Variants in EFS observed in about 807,000 individuals in gnomAD.
The protein encoded by EFS is embryonal Fyn-associated substrate.
EFS carries 34 observed loss-of-function variants against 42.2 expected under a neutral mutation model. The observed-to-expected ratio is 0.81, with a 90% CI of 0.61 to 1.07. EFS has a LOEUF of 1.07. EFS is among the 50% of genes least tolerant of loss of function. The pLI is 0.00. For missense variants in EFS, 717 were observed against 729.4 expected (o/e 0.98, Z 0.20); for synonymous variants, 299 against 320.7 (o/e 0.93, Z 0.72).
chr14:23,360,953 A>G, intron 1 of EFS, 120 bp from the exon 2 acceptor site: 1 of 1,072,348 alleles, frequency 9.3e-7, no homozygotes, highest in Non-Finnish European at 1.3e-6. Flanking sequence ...TGAACTCTGG[A>G]TGCAGCTTTC....
intron 4 of EFS, 59 bp downstream of exon 4, chr14:23,359,258 C>T: frequency 6.2e-7 from 1 of 1,609,312 alleles, no homozygotes; most frequent in Non-Finnish European, 8.5e-7. Context: ...TAGGTCTCCA[C>T]ACCCCTCCCC....
rs1595031786 is a variant in EFS, at chr14:23,365,037, C to T, written c.-12G>A. The T allele has an allele frequency of 7.5e-7, 1 of 1,327,242 alleles. No individual in the cohort carries two copies. The allele number at this position is 1,327,242 out of a possible 1,614,324, so 82.2% of individuals were successfully genotyped here. ...GTGGCAATGGCCATGGCTTTGGCCTCCCGCGCAGCCTGCCTCAGGCCAGGC... is the reference window on the plus strand; with the variant it reads ...GTGGCAATGGCCATGGCTTTGGCCTTCCGCGCAGCCTGCCTCAGGCCAGGC... On this transcript the variant is annotated 5_prime_UTR_variant, in exon 1 of 6. Coordinates refer to ENST00000216733, the MANE Select transcript of EFS (RefSeq NM_005864.4). This position sits in a 1 kb window ranked among gnomAD's most constrained non-coding sequence, Gnocchi z 5.3.
At chr14:23,362,211 T>C (rs75213552) in intron 1 of EFS, among the ~76,000 whole-genome samples, 3 of 152,340 alleles carry the variant, frequency 2.0e-5, no homozygotes, top group Admixed American at 6.5e-5. Flanking sequence ...AGCTTCAGTT[T>C]TGATTGCTAA....
In EFS at chr14:23,360,021, T is replaced by C. The variant is rs762987722; in HGVS notation, c.457A>G (p.Thr153Ala). The change falls in exon 4 of 6, where the codon ACC becomes GCC. Residue 153 changes from threonine (T) to alanine (A), a missense_variant. Coordinates refer to ENST00000216733, the MANE Select transcript of EFS (RefSeq NM_005864.4). ...DALEVYDVPP[T>A]ALRVPSSGPY... is the part of the protein sequence containing the mutation. ...CCACTGGAGGGCACCCGGAGGGCGG[T>C]GGGGGGCACATCGTAGACCTGCGGA... is the stretch of plus-strand genomic sequence containing the variant. 1 of 1,609,772 alleles carries C rather than the reference T, an allele frequency of 6.2e-7. No homozygotes were observed. Among genetic ancestry groups the C allele is most frequent in the South Asian group, 1.1e-5 (1 of 90,640 alleles).
chr14:23,356,850 G>C lies in EFS; in HGVS notation c.*376C>G, dbSNP rs1375234102. 1 of 168,458 alleles carries C rather than the reference G, an allele frequency of 5.9e-6. No homozygotes were observed. The highest frequency in any genetic ancestry group is 1.3e-5 in the Non-Finnish European group (1 of 79,414). 10.4% of individuals were successfully genotyped at this position (168,458 alleles called of 1,614,324 possible). On this transcript the variant is annotated 3_prime_UTR_variant, in exon 6 of 6. Transcript: ENST00000216733. ...AGCCAAGAAACAGGAAAAGAGAGAG[G>C]CTCTATGTGGCCCCAGGTTTCTGCC...
chr14:23,358,993 C>A, intron 4 of EFS, 28 bp from the exon 5 acceptor site: 1 of 1,583,884 alleles, frequency 6.3e-7, no homozygotes, highest in African/African-American at 1.4e-5. Context: ...GTCTCAGTGT[C>A]GGGGTGGGGG....
intron 2 of EFS, 40 bp from the exon 3 acceptor site, chr14:23,360,321 G>T (rs1332543837): frequency 6.3e-7 from 1 of 1,579,540 alleles, no homozygotes. Context: ...AGGAACGGAG[G>T]GGCCGGTGAT....
chr14:23,359,471 G>C lies in EFS; in HGVS notation c.1007C>G (p.Pro336Arg). 1 of 1,598,034 alleles carries C rather than the reference G, an allele frequency of 6.3e-7. No individual in the cohort carries two copies. Among genetic ancestry groups the C allele is most frequent in the South Asian group, 1.1e-5 (1 of 89,238 alleles). The change falls in exon 4 of 6, where the codon CCT becomes CGT. Residue 336 changes from proline to arginine, a missense_variant. Coordinates refer to ENST00000216733, the MANE Select transcript of EFS (RefSeq NM_005864.4). The stretch of plus-strand genomic sequence containing the variant: ...CAGGCGGGGTGGGGGTGGGGGCAGA[G>C]GCCGGTCCTGGATGCTGCCCTTCCG... ...PGRKGSIQDR[P>R]LPPPPPRLPG...
intron 5 of EFS, 78 bp from the exon 6 acceptor site, chr14:23,357,738 T>C: frequency 1.6e-6 from 2 of 1,276,464 alleles, no homozygotes; most frequent in Non-Finnish European, 2.1e-6. Context: ...CTCCTTCCTC[T>C]CTTTCTTCCC....
intron 1 of EFS, among the ~76,000 whole-genome samples, chr14:23,361,398 C>T (rs920908233): frequency 1.3e-5 from 2 of 152,122 alleles, no homozygotes; most frequent in Admixed American, 1.3e-4. Flanking sequence ...TGGGAGAGGC[C>T]TAGTCCAGAC....
chr14:23,358,998 T>TG, intron 4 of EFS, 33 bp from the exon 5 acceptor site: 4 of 1,574,866 alleles, frequency 2.5e-6, no homozygotes, highest in Non-Finnish European at 3.4e-6. Context: ...AGTGTCGGGG[T>TG]GGGGGAGCAG....
chr14:23,361,833 C>T (rs760088378), intron 1 of EFS, among the ~76,000 whole-genome samples: 1 of 152,182 alleles, frequency 6.6e-6, no homozygotes, highest in Non-Finnish European at 1.5e-5. Context: ...AACAACCTTA[C>T]GAGGGAGGGA....
rs781633961 is a variant in EFS at position 23,360,053 on chromosome 14, T to A, written c.439-14A>T. The stretch of plus-strand genomic sequence containing the variant: ...CACATCGTAGACCTGCGGAAAGGAG[T>A]GGTCAGTCATCTGTCAGCTCAGCGA... On this transcript the variant is annotated splice_polypyrimidine_tract_variant and intron_variant, in intron 3 of 5. Coordinates refer to ENST00000216733, the MANE Select transcript of EFS (RefSeq NM_005864.4). The A allele has an allele frequency of 1.9e-6, 3 of 1,612,748 alleles. No homozygotes were observed. Among genetic ancestry groups the A allele is most frequent in the Non-Finnish European group, 2.5e-6 (3 of 1,179,576 alleles).
chr14:23,363,383 T>C (rs752216626), intron 1 of EFS, among the ~76,000 whole-genome samples: 14 of 152,200 alleles, frequency 9.2e-5, no homozygotes, highest in African/African-American at 3.4e-4. Flanking sequence ...AAAGAAACTA[T>C]GACAAAGCGC....
In EFS at chr14:23,359,529, TG is replaced by T. The variant is rs1890047846; in HGVS notation, c.948del (p.Ser317AlafsTer70). 3 of 1,190,824 alleles carry T rather than the reference TG, an allele frequency of 2.5e-6. No individual in the cohort carries two copies. The highest frequency in any genetic ancestry group is 1.9e-5 in the South Asian group (1 of 53,070). The allele number at this position is 1,190,824 out of a possible 1,614,324, so 73.8% of individuals were successfully genotyped here. On this transcript the variant is annotated frameshift_variant, in exon 4 of 6. Transcript: ENST00000216733. LOFTEE classifies it high-confidence loss of function. ...PLPALPVPEA[P>X]SPSPVPSPAP... ...GCAGGAGAGGGCACTGGGGAGGGGC[TG>T]GGGGCCTCAGGGACAGGCAGGGCAG...
chr14:23,359,520 G>A lies in EFS; in HGVS notation c.958C>T (p.Pro320Ser), dbSNP rs1890046954. Reference protein sequence around the residue: ...LPVPEAPSPSPVPSPAPGRKG... With the variant: ...LPVPEAPSPSSVPSPAPGRKG... ...CGGCCTGGGGCAGGAGAGGGCACTG[G>A]GGAGGGGCTGGGGGCCTCAGGGACA... Residue 320 changes from proline (P) to serine (S), a missense_variant, in exon 4 of 6, where the codon CCA (proline) becomes TCA (serine). Coordinates refer to ENST00000216733, the MANE Select transcript of EFS (RefSeq NM_005864.4). 3 of 1,548,844 alleles carry A rather than the reference G, an allele frequency of 1.9e-6. No homozygotes were observed. Among genetic ancestry groups the A allele is most frequent in the Non-Finnish European group, 1.7e-6 (2 of 1,153,146 alleles).
intron 1 of EFS, among the ~76,000 whole-genome samples, chr14:23,364,421 A>T (rs1289744419): frequency 6.6e-6 from 1 of 152,164 alleles, no homozygotes; most frequent in Admixed American, 6.5e-5. Flanking sequence ...CTGTCCCATC[A>T]TGCCAGCTGT....
In EFS at chr14:23,360,669, G is replaced by T. The variant is rs188466425; in HGVS notation, c.183C>A (p.Asn61Lys). ...GGCCAGCAGGCAAGAGCTTCACCCT[G>T]TTGGCGGGCACAATGCCCTGCTGGC... ...LHGQQGIVPA[N>K]RVKLLPAGPA... is the part of the protein sequence containing the mutation. Residue 61 changes from asparagine to lysine, a missense_variant, in exon 2 of 6, where the codon AAC (asparagine) becomes AAA (lysine). Coordinates refer to ENST00000216733, the MANE Select transcript of EFS (RefSeq NM_005864.4). 6.2e-7 allele frequency: 1 copy of T among 1,613,840 alleles called. No homozygotes were observed. Among genetic ancestry groups the T allele is most frequent in the East Asian group, 2.2e-5 (1 of 44,882 alleles).
At chr14:23,364,027 T>C (rs185713431) in intron 1 of EFS, among the ~76,000 whole-genome samples, 3 of 152,090 alleles carry the variant, frequency 2.0e-5, no homozygotes, top group Admixed American at 2.0e-4. Context: ...GCTCTGTGCT[T>C]CTCTTTCCAG....
Sources: gnomAD v4.1 joint callset for allele counts (sites outside exome capture counted in the v4.1 genomes callset) on GRCh38, gnomAD v4.1.1 for gene constraint, Gnocchi (gnomAD v3.1) non-coding constraint, MANE v1.5 for transcripts, NCBI Gene and HGNC (gene_info 2026-07-23, HGNC 2026-07-21) for gene names.